Variants in SYNE2 observed in about 807,000 individuals in gnomAD.
SYNE2 encodes the protein nesprin-2.
SYNE2 carries 431 observed loss-of-function variants against 856.3 expected under a neutral mutation model. That is an observed-to-expected ratio of 0.50 (90% CI 0.47 to 0.55). The LOEUF (loss-of-function observed/expected upper bound fraction) is 0.55, where lower values mean the gene tolerates loss of function less well. SYNE2 is among the 20% of genes least tolerant of loss of function. The probability of loss-of-function intolerance (pLI) is 0.00; values close to 1 mark genes in which losing one functional copy is unlikely to be tolerated. For synonymous variants in SYNE2, 2,923 were observed against 2,872.3 expected, an observed-to-expected ratio of 1.02 and a Z score of -0.56; for missense variants, 8,129 against 8,023.2, an observed-to-expected ratio of 1.01 and a Z score of -0.50.
At chr14:64,185,261 C>T (rs2098482774) in intron 96 of SYNE2, among the ~76,000 whole-genome samples, 1 of 151,768 alleles carries the variant, frequency 6.6e-6, no homozygotes, top group Admixed American at 6.6e-5. Flanking sequence ...GACCCTGTCT[C>T]TTAAAAAAAA....
At chr14:64,019,269 T>A (rs927154345) in intron 34 of SYNE2, among the ~76,000 whole-genome samples, 2 of 70,292 alleles carry the variant, frequency 2.8e-5, no homozygotes, top group Non-Finnish European at 8.2e-5. Flanking sequence ...GGAGACTCCG[T>A]CTCAAAAAAA....
chr14:63,864,264 GT>G (rs1894604703), intron 1 of SYNE2: 1 of 152,200 alleles, frequency 6.6e-6, no homozygotes, highest in African/African-American at 2.4e-5. Context: ...AAGAAAATAA[GT>G]TACCTTTGTA....
intron 96 of SYNE2, among the ~76,000 whole-genome samples, chr14:64,183,722 T>C (rs892802864): frequency 2.0e-4 from 30 of 151,882 alleles, no homozygotes; most frequent in African/African-American, 5.3e-4. Context: ...GAGACCAGCC[T>C]GGCCAACACA....
chr14:64,111,199 C>CA (rs35950915), intron 65 of SYNE2, among the ~76,000 whole-genome samples: 13,594 of 129,578 alleles, frequency 0.1, 787 homozygotes, highest in East Asian at 0.29. Flanking sequence ...GACCCCATCT[C>CA]AAAAAAAAAA....
At position 64,027,691 on chromosome 14, in the gene SYNE2, T is replaced by G; in HGVS notation, c.6612T>G (p.Ser2204=). 1.9e-6 allele frequency: 3 copies of G among 1,614,102 alleles called. No homozygotes were observed. Among genetic ancestry groups the G allele is most frequent in the Non-Finnish European group, 2.5e-6 (3 of 1,179,990 alleles). ...CATCCTTGCTAAAGGAGTTAAAATC[T>G]CAGGGAAACTACCTCTTGGAGTGCA... ...DLTSLLKELK[S]QGNYLLECTK... is the part of the protein sequence containing the mutation. Residue 2204 remains serine, a synonymous_variant, in exon 43 of 116, where the codon TCT becomes TCG. Coordinates refer to ENST00000555002, the MANE Select transcript of SYNE2 (RefSeq NM_182914.3).
chr14:63,828,904 G>A (rs967699625), intron 1 of SYNE2, among the ~76,000 whole-genome samples: 1 of 152,052 alleles, frequency 6.6e-6, no homozygotes, highest in Non-Finnish European at 1.5e-5. Context: ...GACTATGTAA[G>A]TAGCCAATAA....
At chr14:64,105,319 A>T (rs933056783) in intron 64 of SYNE2, among the ~76,000 whole-genome samples, 3 of 152,232 alleles carry the variant, frequency 2.0e-5, no homozygotes, top group Admixed American at 2.0e-4. Context: ...TTAGCGTGAC[A>T]TTCCAGATTT....
chr14:64,061,465 T>A (rs2097316550), intron 49 of SYNE2, among the ~76,000 whole-genome samples: 1 of 152,218 alleles, frequency 6.6e-6, no homozygotes, highest in Admixed American at 6.5e-5. Flanking sequence ...ATTTTGCCAA[T>A]TTCCACTCAA....
intron 1 of SYNE2, among the ~76,000 whole-genome samples, chr14:63,775,128 C>G (rs1441336138): frequency 1.3e-5 from 2 of 152,054 alleles, no homozygotes; most frequent in African/African-American, 2.4e-5. Context: ...AGGTGCCCAC[C>G]ACCATGCCCA....
At chr14:63,765,022 G>A (rs886122773) in intron 1 of SYNE2, among the ~76,000 whole-genome samples, 7 of 152,072 alleles carry the variant, frequency 4.6e-5, no homozygotes, top group Non-Finnish European at 5.9e-5. Flanking sequence ...CCACCCCTAC[G>A]TGTCATCATC....
chr14:64,165,007 C>G (rs1385459415), intron 89 of SYNE2, among the ~76,000 whole-genome samples: 1 of 151,976 alleles, frequency 6.6e-6, no homozygotes, highest in Non-Finnish European at 1.5e-5. Flanking sequence ...CCTGCCTCAG[C>G]CTCCCAAAAA....
chr14:63,814,198 C>T (rs1451923436), intron 1 of SYNE2, among the ~76,000 whole-genome samples: 1 of 150,510 alleles, frequency 6.6e-6, no homozygotes, highest in Admixed American at 6.7e-5. Context: ...TGAACCCAGG[C>T]AGCAGAGGTT....
rs753104451 is a variant in SYNE2, at chr14:63,995,112, T to G, written c.2850T>G (p.Ser950Arg). 1 of 1,595,478 alleles carries G rather than the reference T, an allele frequency of 6.3e-7. No individual in the cohort carries two copies. Among genetic ancestry groups the G allele is most frequent in the South Asian group, 1.1e-5 (1 of 88,738 alleles). ...TAGATATTGAAAAAGGAAAGCTTAG[T>G]GACAATATTTTAAAACTTGAAAAGC... is the stretch of plus-strand genomic sequence containing the variant. The part of the protein sequence containing the change: ...LKIDIEKGKL[S>R]DNILKLEKQI... The change falls in exon 23 of 116, where the codon AGT becomes AGG. Residue 950 changes from serine to arginine, a missense_variant. Ser to Arg is a moderately radical substitution (Grantham distance 110). Around this residue, in one of 3 missense-constraint regions of SYNE2, gnomAD observed 2,422 missense variants for 2,357.4 expected, o/e 1.03. Transcript: ENST00000555002.
chr14:64,039,358 G>A (rs780881634), intron 45 of SYNE2, among the ~76,000 whole-genome samples: 15 of 152,206 alleles, frequency 9.9e-5, no homozygotes, highest in Non-Finnish European at 1.6e-4. Flanking sequence ...GTGCTAACAT[G>A]TTGGCCAAGC....
intron 1 of SYNE2, among the ~76,000 whole-genome samples, chr14:63,811,393 C>T (rs925019850): frequency 2.0e-5 from 3 of 151,752 alleles, no homozygotes; most frequent in African/African-American, 7.3e-5. Flanking sequence ...GTAGCTGGCC[C>T]ACAGGTGTGC....
At chr14:63,879,472 C>A (rs4459477) in intron 1 of SYNE2, among the ~76,000 whole-genome samples, 18 of 152,064 alleles carry the variant, frequency 1.2e-4, no homozygotes, top group African/African-American at 4.3e-4. Context: ...GAATTCTGAC[C>A]GTTACCATAA....
chr14:64,215,408 G>A, intron 107 of SYNE2, 54 bp downstream of exon 107: 1 of 1,559,518 alleles, frequency 6.4e-7, no homozygotes, highest in Non-Finnish European at 8.8e-7. Context: ...GGCGCACACT[G>A]CATCCTCAAC....
intron 85 of SYNE2, among the ~76,000 whole-genome samples, chr14:64,157,630 CTATT>C (rs982212939): frequency 1.6e-4 from 24 of 152,238 alleles, no homozygotes; most frequent in Admixed American, 1.5e-3. Context: ...TATGGCAACT[CTATT>C]TAATTTTTTG....
intron 1 of SYNE2, among the ~76,000 whole-genome samples, chr14:63,787,065 C>T (rs911726831): frequency 7.2e-5 from 11 of 152,128 alleles, no homozygotes; most frequent in Non-Finnish European, 1.5e-4. Context: ...GCCCAGCCTT[C>T]TTTTTTCTTT....
Sources: allele counts gnomAD v4.1 joint callset (sites outside exome capture counted in the v4.1 genomes callset), GRCh38; gene constraint gnomAD v4.1.1; regional missense constraint gnomAD v4.1.1; transcripts MANE v1.5; gene names NCBI Gene and HGNC (gene_info 2026-07-23, HGNC 2026-07-21).